STX18: variants seen among roughly 807,000 people sequenced by gnomAD.
STX18 encodes syntaxin-18.
In STX18, 40 loss-of-function variants were observed where a neutral mutation model predicts 50.1. The observed-to-expected ratio is 0.80, with a 90% CI of 0.62 to 1.04. STX18 has a LOEUF of 1.04. STX18 is among the 50% of genes least tolerant of loss of function. The probability of loss-of-function intolerance (pLI) is 0.00; values close to 1 mark genes in which losing one functional copy is unlikely to be tolerated. For missense variants in STX18, 410 were observed against 415.8 expected (o/e 0.99, Z 0.12); for synonymous variants, 158 against 151.8 (o/e 1.04, Z -0.30).
At chr4:4,443,187 A>G (rs986477253) in intron 5 of STX18, among the ~76,000 whole-genome samples, 3 of 152,250 alleles carry the variant, frequency 2.0e-5, no homozygotes, top group Admixed American at 6.5e-5. Flanking sequence ...TATCCCAAAG[A>G]TATAACAATA....
At chr4:4,457,533 G>T in intron 3 of STX18, 33 bp from the exon 4 acceptor site, 1 of 1,532,176 alleles carries the variant, frequency 6.5e-7, no homozygotes, top group Non-Finnish European at 9.0e-7. Flanking sequence ...TCAGGCCTTC[G>T]CACTCAATTA....
intron 1 of STX18, among the ~76,000 whole-genome samples, chr4:4,500,335 A>G (rs1284896100): frequency 6.6e-6 from 1 of 152,176 alleles, no homozygotes; most frequent in Non-Finnish European, 1.5e-5. Flanking sequence ...GACGGAAAAT[A>G]TTTTTTTAAA....
intron 2 of STX18, among the ~76,000 whole-genome samples, chr4:4,460,675 C>G (rs1332957943): frequency 1.3e-5 from 2 of 152,148 alleles, no homozygotes; most frequent in African/African-American, 2.4e-5. Flanking sequence ...AATAGATGAT[C>G]CTCTCTCAGT....
At chr4:4,527,475 T>C (rs1424307510) in intron 1 of STX18, among the ~76,000 whole-genome samples, 1 of 152,188 alleles carries the variant, frequency 6.6e-6, no homozygotes, top group Non-Finnish European at 1.5e-5. Context: ...GTGTTCATTA[T>C]ATAATTCCCT....
intron 1 of STX18, among the ~76,000 whole-genome samples, chr4:4,482,217 T>C (rs754295107): frequency 6.6e-6 from 1 of 152,236 alleles, no homozygotes; most frequent in Non-Finnish European, 1.5e-5. Context: ...TACATGTTCT[T>C]GCTAAGCTCA....
At chr4:4,439,087 C>G (rs1725950119) in intron 5 of STX18, among the ~76,000 whole-genome samples, 1 of 148,838 alleles carries the variant, frequency 6.7e-6, no homozygotes. Flanking sequence ...TATATACCAC[C>G]ACACATATAC....
chr4:4,458,617 A>G (rs1577341234), intron 3 of STX18, among the ~76,000 whole-genome samples: 1 of 152,226 alleles, frequency 6.6e-6, no homozygotes, highest in East Asian at 1.9e-4. Flanking sequence ...AAGAGGCGTG[A>G]CTTGGGAAGC....
rs1398596900 is a variant in STX18, at chr4:4,531,319, CACAAT to C, written c.168+10473_168+10477del. Among the ~76,000 whole-genome samples the C allele has an allele frequency of 5.5e-4, 84 of 152,264 alleles. 1 individual carries two copies. In the Middle Eastern group the frequency reaches 0.01, roughly 18 times the overall value. ...AACACTTTTTCTTCACTTCCAGGTA[CACAAT>C]ACGTGTTTCTATTTATCCAAATCTT... On this transcript the variant is annotated intron_variant, in intron 1 of 10. Coordinates refer to ENST00000306200, the MANE Select transcript of STX18 (RefSeq NM_016930.4).
chr4:4,498,471 A>G (rs1259468184), intron 1 of STX18, among the ~76,000 whole-genome samples: 1 of 152,196 alleles, frequency 6.6e-6, no homozygotes, highest in East Asian at 1.9e-4. Flanking sequence ...TTCAATCCTC[A>G]GCCCAATGAC....
chr4:4,506,136 G>C (rs1056436217), intron 1 of STX18, among the ~76,000 whole-genome samples: 2 of 152,108 alleles, frequency 1.3e-5, no homozygotes, highest in African/African-American at 4.8e-5. Flanking sequence ...TTTGTGTACA[G>C]GCAGTTTCTT....
At chr4:4,457,529 C>T (rs190759970) in intron 3 of STX18, 29 bp from the exon 4 acceptor site, 6 of 1,555,234 alleles carry the variant, frequency 3.9e-6, no homozygotes, top group Non-Finnish European at 4.4e-6. Context: ...ATGTTCAGGC[C>T]TTCGCACTCA....
chr4:4,459,351 G>A (rs747604627), intron 3 of STX18, 21 bp downstream of exon 3: 7 of 1,572,762 alleles, frequency 4.5e-6, no homozygotes, highest in Middle Eastern at 1.7e-4. Flanking sequence ...TTGCTTGTTT[G>A]CATCTTTCAG....
At chr4:4,508,751 C>T (rs1326199106) in intron 1 of STX18, among the ~76,000 whole-genome samples, 1 of 152,168 alleles carries the variant, frequency 6.6e-6, no homozygotes, top group African/African-American at 2.4e-5. Context: ...GTTGCTCCCC[C>T]ACCATGTGTC....
At chr4:4,491,480 A>G (rs539149934) in intron 1 of STX18, among the ~76,000 whole-genome samples, 1 of 152,232 alleles carries the variant, frequency 6.6e-6, no homozygotes, top group South Asian at 2.1e-4. Flanking sequence ...AAGTGTCTCT[A>G]CTATAGATTT....
chr4:4,482,089 C>CG (rs1728490126), intron 1 of STX18, among the ~76,000 whole-genome samples: 1 of 152,128 alleles, frequency 6.6e-6, no homozygotes, highest in South Asian at 2.1e-4. Flanking sequence ...TCCAGAACAC[C>CG]ACTGTCTCTA....
chr4:4,452,634 C>G (rs1726818459), intron 5 of STX18, among the ~76,000 whole-genome samples: 1 of 152,200 alleles, frequency 6.6e-6, no homozygotes, highest in Non-Finnish European at 1.5e-5. Flanking sequence ...GAGTTCAAGG[C>G]TGCAGTAAGC....
At chr4:4,421,258 G>A (rs1045683501) in intron 9 of STX18, among the ~76,000 whole-genome samples, 18 of 151,832 alleles carry the variant, frequency 1.2e-4, no homozygotes, top group Admixed American at 3.3e-4. Context: ...GGAAACTCAC[G>A]GCTCAGAGAA....
intron 1 of STX18, among the ~76,000 whole-genome samples, chr4:4,536,480 C>T (rs1731337908): frequency 1.3e-5 from 2 of 152,226 alleles, no homozygotes; most frequent in Admixed American, 6.5e-5. Context: ...GAAGGCCTCA[C>T]GGAGGCAACA....
At position 4,534,124 on chromosome 4, in the gene STX18, G is replaced by T. The variant is rs968816159; in HGVS notation, c.168+7673C>A. ...GCTGGGCATAGGTACATAGGCACTGGGTATCTATTTTGTACTCAACTGTCT... is the reference window on the plus strand; with the variant it reads ...GCTGGGCATAGGTACATAGGCACTGTGTATCTATTTTGTACTCAACTGTCT... On this transcript the variant is annotated intron_variant, in intron 1 of 10. Transcript: ENST00000306200. 4.6e-5 allele frequency among the ~76,000 whole-genome samples: 7 copies of T among 152,082 alleles called. No homozygotes were observed. In the South Asian group the frequency reaches 1.5e-3, roughly 32 times the overall value.
Sources: allele counts gnomAD v4.1 joint callset (sites outside exome capture counted in the v4.1 genomes callset), GRCh38; gene constraint gnomAD v4.1.1; transcripts MANE v1.5; gene names NCBI Gene and HGNC (gene_info 2026-07-23, HGNC 2026-07-21).